The following CRTC3 variants were observed in gnomAD, a reference collection of about 807,000 sequenced individuals.
CRTC3 encodes CREB regulated transcription coactivator 3, also known as CREB-regulated transcription coactivator 3.
CRTC3 carries 26 observed loss-of-function variants against 74.5 expected under a neutral mutation model. The ratio of observed to expected loss-of-function variants is 0.35; its 90% CI spans 0.26 to 0.48. The LOEUF (loss-of-function observed/expected upper bound fraction) is 0.48, where lower values mean the gene tolerates loss of function less well. Ranked by LOEUF, CRTC3 falls within the 20% of genes least tolerant of loss-of-function variation. CRTC3 has a pLI of 0.99. For synonymous variants in CRTC3, 377 were observed against 325.8 expected (o/e 1.16, Z -1.69); for missense variants, 760 against 787.3 (o/e 0.97, Z 0.41).
At chr15:90,535,812 T>C (rs1966710094) in intron 1 of CRTC3, among the ~76,000 whole-genome samples, 1 of 152,192 alleles carries the variant, frequency 6.6e-6, no homozygotes, top group Non-Finnish European at 1.5e-5. Context: ...TCTCACATAG[T>C]CCTCAAAATG....
intron 2 of CRTC3, among the ~76,000 whole-genome samples, chr15:90,553,367 T>C (rs1966866592): frequency 6.6e-6 from 1 of 152,162 alleles, no homozygotes; most frequent in Non-Finnish European, 1.5e-5. Flanking sequence ...AGTTAGGGGG[T>C]TACTTAATAG....
chr15:90,558,790 C>T (rs899842721), intron 2 of CRTC3, among the ~76,000 whole-genome samples: 1 of 151,768 alleles, frequency 6.6e-6, no homozygotes, highest in Non-Finnish European at 1.5e-5. Context: ...CTTGCTCTGT[C>T]GCCCAGGCTG....
At chr15:90,532,446 C>T (rs765938592) in intron 1 of CRTC3, among the ~76,000 whole-genome samples, 3 of 152,072 alleles carry the variant, frequency 2.0e-5, no homozygotes, top group Non-Finnish European at 4.4e-5. Context: ...CATTACTAGC[C>T]CATGACAGAC....
At position 90,540,154 on chromosome 15, in the gene CRTC3, A is replaced by G. The variant is rs1253096709; in HGVS notation, c.231+17A>G. On this transcript the variant is annotated intron_variant, in intron 2 of 14. Coordinates refer to ENST00000268184, the MANE Select transcript of CRTC3 (RefSeq NM_022769.5). ...GAGTTTCAGGTACCTCCAGATATGT[A>G]CTTTCTTGAAGCTGAATGGAGTGTA... is the stretch of plus-strand genomic sequence containing the variant. 4 of 1,519,242 alleles carry G rather than the reference A, an allele frequency of 2.6e-6. No individual in the cohort carries two copies. Among genetic ancestry groups the G allele is most frequent in the East Asian group, 2.2e-5 (1 of 44,522 alleles). 94.1% of individuals were successfully genotyped at this position (1,519,242 alleles called of 1,614,324 possible). A position where few individuals can be genotyped will look rare whatever the true frequency, so the allele number is the denominator to read the frequency against.
chr15:90,579,755 C>T (rs904364734), intron 2 of CRTC3, among the ~76,000 whole-genome samples: 1 of 146,310 alleles, frequency 6.8e-6, no homozygotes, highest in South Asian at 2.2e-4. Flanking sequence ...AATTCTCCTA[C>T]ATCAGCCTCC....
At chr15:90,641,047 C>A in intron 13 of CRTC3, 50 bp from the exon 14 acceptor site, 1 of 1,227,082 alleles carries the variant, frequency 8.1e-7, no homozygotes, top group South Asian at 1.2e-5. Flanking sequence ...CTCACTTCCT[C>A]CTTGGAAACA....
intron 1 of CRTC3, 177 bp from the exon 2 acceptor site, chr15:90,539,862 T>C: frequency 5.0e-6 from 3 of 595,784 alleles, no homozygotes; most frequent in South Asian, 2.0e-5. Context: ...TTTCCGAAAA[T>C]AGAGTAATCA....
chr15:90,619,634 C>T (rs2151088402), intron 8 of CRTC3, 107 bp from the exon 9 acceptor site: 2 of 852,694 alleles, frequency 2.3e-6, no homozygotes, highest in Admixed American at 2.0e-5. Context: ...GACACGCAAG[C>T]TCTCACTTGC....
chr15:90,620,536 A>G (rs1424594176), intron 9 of CRTC3, among the ~76,000 whole-genome samples: 1 of 152,130 alleles, frequency 6.6e-6, no homozygotes, highest in Non-Finnish European at 1.5e-5. Context: ...CCTTGCCTTA[A>G]CAGAAACTGC....
chr15:90,609,709 C>G (rs1305301157), intron 6 of CRTC3, among the ~76,000 whole-genome samples: 1 of 152,110 alleles, frequency 6.6e-6, no homozygotes, highest in East Asian at 1.9e-4. Context: ...GATGTAGCCT[C>G]TGAGAGAAGA....
rs1207380017 is a variant in CRTC3 at position 90,593,659 on chromosome 15, T to A, written c.255T>A (p.Asn85Lys). 1 of 1,610,082 alleles carries A rather than the reference T, an allele frequency of 6.2e-7. No individual in the cohort carries two copies. Among genetic ancestry groups the A allele is most frequent in the Non-Finnish European group, 8.5e-7 (1 of 1,176,552 alleles). Residue 85 changes from asparagine (N) to lysine (K), a missense_variant, in exon 3 of 15, where the codon AAT (asparagine) becomes AAA (lysine). Around this residue, in one of 2 missense-constraint regions of CRTC3, gnomAD observed 108 missense variants for 152.1 expected, o/e 0.71. Coordinates refer to ENST00000268184, the MANE Select transcript of CRTC3 (RefSeq NM_022769.5). ...EFQPSFHQAD[N>K]VRGTRHHGLV... ...AGCCGTCATTTCACCAAGCTGATAA[T>A]GTTCGGGGAACCCGCCATCACGGGC...
rs75903529 is a variant in CRTC3, at chr15:90,547,277, A to G, written c.231+7140A>G. 5.0e-3 allele frequency among the ~76,000 whole-genome samples: 765 copies of G among 152,274 alleles called. 3 individuals are homozygous for G. The highest frequency in any genetic ancestry group is 0.018 in the African/African-American group (733 of 41,540). On this transcript the variant is annotated intron_variant, in intron 2 of 14. Coordinates refer to ENST00000268184, the MANE Select transcript of CRTC3 (RefSeq NM_022769.5). The stretch of plus-strand genomic sequence containing the variant: ...CTCAGCAATTTGCAATATATGATAC[A>G]TTGTTATTAACTTTAGCAATCATGA...
At chr15:90,624,802 G>A (rs1968772729) in intron 9 of CRTC3, 1 of 152,400 alleles carries the variant, frequency 6.6e-6, no homozygotes, top group African/African-American at 2.4e-5. Context: ...GCCCTTGAGA[G>A]GGCTTCATTC....
chr15:90,581,571 A>T (rs963978035), intron 2 of CRTC3, among the ~76,000 whole-genome samples: 1 of 152,178 alleles, frequency 6.6e-6, no homozygotes, highest in Non-Finnish European at 1.5e-5. Context: ...TAAAACTGAA[A>T]AGGCACCTTT....
chr15:90,557,645 G>GTT (rs1966922826), intron 2 of CRTC3, among the ~76,000 whole-genome samples: 2 of 152,100 alleles, frequency 1.3e-5, no homozygotes, highest in African/African-American at 2.4e-5. Flanking sequence ...ACAGAGCCGG[G>GTT]TCTGTCTGGT....
intron 3 of CRTC3, among the ~76,000 whole-genome samples, chr15:90,597,374 G>A (rs530865993): frequency 2.0e-5 from 3 of 151,980 alleles, no homozygotes; most frequent in South Asian, 2.1e-4. Flanking sequence ...AAGGAAACAC[G>A]AAATGCCTTC....
At position 90,529,939 on chromosome 15, in the gene CRTC3, C is replaced by A. The variant is rs1324441184; in HGVS notation, c.-133C>A. 35 of 594,606 alleles carry A rather than the reference C, an allele frequency of 5.9e-5. No individual in the cohort carries two copies. Among genetic ancestry groups the A allele is most frequent in the Non-Finnish European group, 7.4e-5 (34 of 461,632 alleles). 36.8% of individuals were successfully genotyped at this position (594,606 alleles called of 1,614,324 possible). A position where few individuals can be genotyped will look rare whatever the true frequency, so the allele number is the denominator to read the frequency against. ...CCGCTCGCTGGCTCCGGGGCCGCGG[C>A]GGCTCCTCTGCCGGGTCGCGCCGGA... is the stretch of plus-strand genomic sequence containing the variant. On this transcript the variant is annotated 5_prime_UTR_variant, in exon 1 of 15. Transcript: ENST00000268184.
intron 2 of CRTC3, among the ~76,000 whole-genome samples, chr15:90,568,833 C>T (rs1967186473): frequency 6.6e-6 from 1 of 152,124 alleles, no homozygotes; most frequent in Non-Finnish European, 1.5e-5. Context: ...GAGGCAAGAC[C>T]CTCTACTAGG....
At chr15:90,634,766 CTG>C (rs1969171903) in intron 11 of CRTC3, 4 of 1,105,908 alleles carry the variant, frequency 3.6e-6, no homozygotes, top group Non-Finnish European at 5.5e-6. Context: ...CACTCTCTGA[CTG>C]AGTATTGGTT....
Sources: allele counts gnomAD v4.1 joint callset (sites outside exome capture counted in the v4.1 genomes callset), GRCh38; gene constraint gnomAD v4.1.1; regional missense constraint gnomAD v4.1.1; transcripts MANE v1.5; gene names NCBI Gene and HGNC (gene_info 2026-07-23, HGNC 2026-07-21).